The following GALNT17 variants were observed in gnomAD, a reference collection of about 807,000 sequenced individuals.
GALNT17 encodes polypeptide N-acetylgalactosaminyltransferase 17, also known as UDP-GalNAc:polypeptide N-acetylgalactosaminyltransferase-like 3.
In GALNT17, 29 loss-of-function variants were observed where a neutral mutation model predicts 63.7. The observed-to-expected ratio is 0.46, with a 90% CI of 0.34 to 0.62. The LOEUF is 0.62. Among genes scored for constraint, GALNT17 ranks in the 20% least tolerant of loss-of-function variants. The pLI is 0.01. For missense variants in GALNT17, 603 were observed against 799.6 expected (o/e 0.75, Z 2.97); for synonymous variants, 305 against 318.3 (o/e 0.96, Z 0.45).
intron 1 of GALNT17, among the ~76,000 whole-genome samples, chr7:71,195,515 G>T (rs1789031723): frequency 6.6e-6 from 1 of 152,078 alleles, no homozygotes; most frequent in African/African-American, 2.4e-5. Context: ...CTATAGCTGG[G>T]ACCACAGGCA....
intron 6 of GALNT17, among the ~76,000 whole-genome samples, chr7:71,592,290 C>T (rs528777121): frequency 6.6e-6 from 1 of 152,220 alleles, no homozygotes; most frequent in African/African-American, 2.4e-5. Context: ...TCGGGTCTTT[C>T]TGGCGCCCAC....
At chr7:71,264,782 C>T (rs7780205) in intron 1 of GALNT17, among the ~76,000 whole-genome samples, 132 of 151,832 alleles carry the variant, frequency 8.7e-4, no homozygotes, top group Non-Finnish European at 1.5e-3. Context: ...AAAAGTCGAC[C>T]TCATGGGGCC....
At chr7:71,433,033 C>G (rs1443340629) in intron 5 of GALNT17, among the ~76,000 whole-genome samples, 1 of 152,084 alleles carries the variant, frequency 6.6e-6, no homozygotes, top group East Asian at 1.9e-4. Flanking sequence ...CTGGTCTCCA[C>G]ACCTCAGGTG....
intron 5 of GALNT17, among the ~76,000 whole-genome samples, chr7:71,450,928 ATTCT>A (rs1383543297): frequency 4.0e-5 from 2 of 49,722 alleles, no homozygotes; most frequent in Non-Finnish European, 7.7e-5. Flanking sequence ...TCTTTTTTTT[ATTCT>A]TTTTTTTTTT....
intron 2 of GALNT17, among the ~76,000 whole-genome samples, chr7:71,353,576 C>T (rs1011554697): frequency 6.6e-6 from 1 of 152,112 alleles, no homozygotes; most frequent in Non-Finnish European, 1.5e-5. Flanking sequence ...CCTCTTAATT[C>T]ATATTTGTCC....
intron 5 of GALNT17, among the ~76,000 whole-genome samples, chr7:71,466,927 G>A (rs1329444997): frequency 6.7e-6 from 1 of 148,638 alleles, no homozygotes; most frequent in African/African-American, 2.5e-5. Context: ...TGTGCCCAAG[G>A]TGGCTGTAAC....
chr7:71,310,868 G>A (rs1462994290), intron 1 of GALNT17, among the ~76,000 whole-genome samples: 1 of 152,190 alleles, frequency 6.6e-6, no homozygotes, highest in Non-Finnish European at 1.5e-5. Context: ...GAAGAGAATG[G>A]GAGAAGTGGA....
At chr7:71,697,728 GTACAT>G (rs1791565631) in intron 9 of GALNT17, among the ~76,000 whole-genome samples, 1 of 152,186 alleles carries the variant, frequency 6.6e-6, no homozygotes, top group Non-Finnish European at 1.5e-5. Flanking sequence ...CAGTAGTAGA[GTACAT>G]TAGATACTTT....
intron 3 of GALNT17, among the ~76,000 whole-genome samples, chr7:71,412,374 C>T (rs1038796018): frequency 2.7e-5 from 4 of 150,110 alleles, no homozygotes; most frequent in Non-Finnish European, 6.0e-5. Flanking sequence ...CCATCATCTC[C>T]CTTTTTTTTT....
At chr7:71,482,875 C>T (rs552150632) in intron 5 of GALNT17, among the ~76,000 whole-genome samples, 2 of 152,200 alleles carry the variant, frequency 1.3e-5, no homozygotes, top group South Asian at 2.1e-4. Flanking sequence ...CCTGCACATG[C>T]GTAGTTCACA....
rs151101637 is a variant in GALNT17, at chr7:71,326,485, A to G, written c.239-9065A>G. On this transcript the variant is annotated intron_variant, in intron 1 of 10. Coordinates refer to ENST00000333538, the MANE Select transcript of GALNT17 (RefSeq NM_022479.3). ...GAAAGAAAGAAAGCAAGAAAGAGAG[A>G]GAGAGAGGATCTCCTAACAATCTCC... Among the ~76,000 whole-genome samples, 170 of 152,342 alleles carry G rather than the reference A, an allele frequency of 1.1e-3. 1 individual carries two copies. The East Asian group carries it at 0.024, about 22-fold the overall frequency.
intron 10 of GALNT17, among the ~76,000 whole-genome samples, chr7:71,711,181 AG>A (rs942967355): frequency 6.6e-6 from 1 of 152,034 alleles, no homozygotes; most frequent in Non-Finnish European, 1.5e-5. Flanking sequence ...GATAGGAGTG[AG>A]GGGGGACTTC....
chr7:71,386,885 G>A (rs558806666), intron 2 of GALNT17, among the ~76,000 whole-genome samples: 53 of 152,238 alleles, frequency 3.5e-4, no homozygotes, highest in South Asian at 8.3e-4. Flanking sequence ...TGGAATGTTA[G>A]CTCTGTGATA....
intron 6 of GALNT17, among the ~76,000 whole-genome samples, chr7:71,658,917 A>G (rs1790867560): frequency 6.6e-6 from 1 of 151,956 alleles, no homozygotes; most frequent in South Asian, 2.1e-4. Context: ...AAATCTATCT[A>G]CATCTCTATT....
At chr7:71,668,777 C>G (rs908240503) in intron 7 of GALNT17, among the ~76,000 whole-genome samples, 1 of 152,072 alleles carries the variant, frequency 6.6e-6, no homozygotes, top group Non-Finnish European at 1.5e-5. Flanking sequence ...ATTTCAGATA[C>G]TTTATTTTCC....
At chr7:71,527,377 G>A (rs1290907466) in intron 5 of GALNT17, among the ~76,000 whole-genome samples, 2 of 152,118 alleles carry the variant, frequency 1.3e-5, no homozygotes, top group Admixed American at 6.5e-5. Context: ...ATTTTCCCCC[G>A]ATTATGTGAG....
At chr7:71,678,525 C>T (rs917383824) in intron 9 of GALNT17, among the ~76,000 whole-genome samples, 6 of 151,788 alleles carry the variant, frequency 4.0e-5, no homozygotes, top group African/African-American at 7.2e-5. Context: ...TGGCCAGGTG[C>T]GGTGGCTCAC....
intron 6 of GALNT17, among the ~76,000 whole-genome samples, chr7:71,581,350 A>G (rs6460676): frequency 1 from 152,104 of 152,132 alleles, 76,038 homozygotes; most frequent in Non-Finnish European, 1. Context: ...AGTAGAGATG[A>G]GGTTTCACCA....
intron 5 of GALNT17, among the ~76,000 whole-genome samples, chr7:71,521,309 C>T (rs1428415559): frequency 6.6e-6 from 1 of 152,010 alleles, no homozygotes; most frequent in East Asian, 1.9e-4. Context: ...GCACATCTGT[C>T]CCCAGGTGGA....
Sources: allele counts gnomAD v4.1 joint callset (sites outside exome capture counted in the v4.1 genomes callset), GRCh38; gene constraint gnomAD v4.1.1; transcripts MANE v1.5; gene names NCBI Gene and HGNC (gene_info 2026-07-23, HGNC 2026-07-21).